ARHGAP28: variants seen among roughly 807,000 people sequenced by gnomAD.
The protein encoded by ARHGAP28 is rho GTPase-activating protein 28.
A neutral mutation model predicts 90.7 loss-of-function variants in ARHGAP28; 56 were observed. The ratio of observed to expected loss-of-function variants is 0.62; its 90% CI spans 0.50 to 0.77. The LOEUF (loss-of-function observed/expected upper bound fraction) is 0.77. Among genes scored for constraint, ARHGAP28 ranks in the 30% least tolerant of loss-of-function variants. The pLI is 0.00. For synonymous variants in ARHGAP28, 308 were observed against 323.3 expected, an observed-to-expected ratio of 0.95 and a Z score of 0.51; for missense variants, 869 against 900.9, an observed-to-expected ratio of 0.96 and a Z score of 0.45.
At chr18:6,730,790 A>G (rs1454382168) in intron 1 of ARHGAP28, among the ~76,000 whole-genome samples, 1 of 152,190 alleles carries the variant, frequency 6.6e-6, no homozygotes, top group African/African-American at 2.4e-5. Flanking sequence ...AAATGTGACT[A>G]TCTGATCCAC....
chr18:6,863,551 C>G (rs1406564158), intron 5 of ARHGAP28, among the ~76,000 whole-genome samples: 1 of 151,750 alleles, frequency 6.6e-6, no homozygotes, highest in Non-Finnish European at 1.5e-5. Flanking sequence ...CAGGATTAGT[C>G]TACACATACA....
intron 1 of ARHGAP28, among the ~76,000 whole-genome samples, chr18:6,812,378 A>T (rs2143695240): frequency 6.6e-6 from 1 of 152,340 alleles, no homozygotes; most frequent in Non-Finnish European, 1.5e-5. Context: ...CTGTGTTTTT[A>T]AAAATTGAAT....
rs28610127 is a variant in ARHGAP28 at position 6,870,869 on chromosome 18, C to T, written c.954+137C>T. ...AGGCTGGAGTGCAGTGGCGCGATCTCGGCTCACTGCAAGCTCTGCCTCCCG... is the reference window on the plus strand; with the variant it reads ...AGGCTGGAGTGCAGTGGCGCGATCTTGGCTCACTGCAAGCTCTGCCTCCCG... On this transcript the variant is annotated intron_variant, in intron 7 of 17. Coordinates refer to ENST00000383472, the MANE Select transcript of ARHGAP28 (RefSeq NM_001366230.1). The T allele has an allele frequency of 5.4e-3, 4,643 of 858,960 alleles. 134 individuals are homozygous for T. The African/African-American group carries it at 0.067, about 12-fold the overall frequency. 53.2% of individuals were successfully genotyped at this position (858,960 alleles called of 1,614,324 possible).
chr18:6,834,949 A>G (rs2056742355), intron 2 of ARHGAP28, among the ~76,000 whole-genome samples: 2 of 152,196 alleles, frequency 1.3e-5, no homozygotes, highest in African/African-American at 4.8e-5. Flanking sequence ...AGTGAATATG[A>G]CATATGAATG....
intron 1 of ARHGAP28, among the ~76,000 whole-genome samples, chr18:6,741,322 T>C (rs2055975556): frequency 6.6e-6 from 1 of 152,196 alleles, no homozygotes; most frequent in Admixed American, 6.5e-5. Flanking sequence ...TATAAGGCTC[T>C]GTGATTACAA....
chr18:6,811,730 T>A (rs1443846093), intron 1 of ARHGAP28, among the ~76,000 whole-genome samples: 2 of 152,100 alleles, frequency 1.3e-5, no homozygotes, highest in African/African-American at 4.8e-5. Context: ...GTTTTTTCTT[T>A]TTTTTAATTC....
intron 1 of ARHGAP28, among the ~76,000 whole-genome samples, chr18:6,806,894 C>A (rs562533644): frequency 6.6e-6 from 1 of 151,962 alleles, no homozygotes; most frequent in African/African-American, 2.4e-5. Context: ...GATAGTTTTT[C>A]TTCAAGTACT....
intron 4 of ARHGAP28, among the ~76,000 whole-genome samples, chr18:6,855,798 C>T (rs2056948433): frequency 6.6e-6 from 1 of 152,188 alleles, no homozygotes. Context: ...TTCCCTGGTG[C>T]CCACAGTGGA....
intron 1 of ARHGAP28, among the ~76,000 whole-genome samples, chr18:6,737,077 G>T (rs2055935518): frequency 6.6e-6 from 1 of 152,132 alleles, no homozygotes; most frequent in Admixed American, 6.5e-5. Context: ...CTAGATGTCA[G>T]TTCTAGCCAA....
intron 1 of ARHGAP28, among the ~76,000 whole-genome samples, chr18:6,755,662 A>T (rs760469074): frequency 6.6e-6 from 1 of 152,230 alleles, no homozygotes; most frequent in Non-Finnish European, 1.5e-5. Flanking sequence ...CAATTTTGAG[A>T]GTGAACTTAA....
intron 3 of ARHGAP28, 145 bp from the exon 4 acceptor site, chr18:6,850,889 A>G (rs1397655985): frequency 6.5e-7 from 1 of 1,527,144 alleles, no homozygotes; most frequent in Non-Finnish European, 8.7e-7. Context: ...AAGTGCTGTT[A>G]TCAATGCCCA....
rs12967230 is a variant in ARHGAP28, at chr18:6,910,969, G to C, written c.2096-1091G>C. ...ACGCCATTCTCCTGCCTCAGCCTCC[G>C]GAGTAGCTGGGATTACAGGCGCCCA... On this transcript the variant is annotated intron_variant, in intron 17 of 17. Coordinates refer to ENST00000383472, the MANE Select transcript of ARHGAP28 (RefSeq NM_001366230.1). 5.8e-3 allele frequency among the ~76,000 whole-genome samples: 875 copies of C among 151,184 alleles called. 18 individuals carry two copies. Among genetic ancestry groups the C allele is most frequent in the East Asian group, 0.054 (270 of 5,022 alleles).
intron 1 of ARHGAP28, among the ~76,000 whole-genome samples, chr18:6,799,491 G>T (rs541014840): frequency 4.2e-4 from 64 of 152,182 alleles, no homozygotes; most frequent in African/African-American, 1.4e-3. Flanking sequence ...AAACTATAAG[G>T]CTACAGTAAC....
At position 6,887,156 on chromosome 18, in the gene ARHGAP28, G is replaced by A. The variant is rs2057228178; in HGVS notation, c.1454-1G>A. The A allele has an allele frequency of 7.4e-6, 12 of 1,613,692 alleles. No individual in the cohort carries two copies. Among genetic ancestry groups the A allele is most frequent in the Non-Finnish European group, 1.0e-5 (12 of 1,179,612 alleles). ...TATGACTATTTCTGTTTTCTTGTTA[G>A]GAGGGCCTCACGTCAAAGTACAGTT... On this transcript the variant is annotated splice_acceptor_variant, in intron 11 of 17. Transcript: ENST00000383472. LOFTEE classifies it high-confidence loss of function.
chr18:6,850,310 T>C (rs2056899723), intron 3 of ARHGAP28, among the ~76,000 whole-genome samples: 1 of 152,222 alleles, frequency 6.6e-6, no homozygotes, highest in Non-Finnish European at 1.5e-5. Flanking sequence ...TTCTTTTTCA[T>C]GATGTTGGTT....
At chr18:6,846,959 C>T (rs2056870587) in intron 3 of ARHGAP28, among the ~76,000 whole-genome samples, 1 of 152,164 alleles carries the variant, frequency 6.6e-6, no homozygotes, top group Admixed American at 6.5e-5. Flanking sequence ...CACAGGGCCA[C>T]ATGTAGGCTG....
chr18:6,781,934 G>C (rs914477103), intron 1 of ARHGAP28, among the ~76,000 whole-genome samples: 1 of 152,192 alleles, frequency 6.6e-6, no homozygotes, highest in Non-Finnish European at 1.5e-5. Flanking sequence ...CCTGGGGCAA[G>C]TGGTAAACTG....
chr18:6,890,233 A>G, intron 13 of ARHGAP28, 148 bp downstream of exon 13: 2 of 917,582 alleles, frequency 2.2e-6, no homozygotes, highest in Middle Eastern at 2.3e-4. Context: ...CACCTTCTGG[A>G]AGGGCTGCTC....
rs144422226 is a variant in ARHGAP28 at position 6,836,562 on chromosome 18, G to A, written c.326-635G>A. On this transcript the variant is annotated intron_variant, in intron 2 of 17. Transcript: ENST00000383472. ...GTCTCATAGGAAGTCACCACCAAGA[G>A]GTGATTGTATAAGGCAGATACCTGG... Among the ~76,000 whole-genome samples the A allele has an allele frequency of 7.7e-4, 117 of 152,260 alleles. 2 individuals are homozygous for A. Among genetic ancestry groups the A allele is most frequent in the Middle Eastern group, 6.8e-3 (2 of 294 alleles).
Sources: allele counts gnomAD v4.1 joint callset (sites outside exome capture counted in the v4.1 genomes callset), GRCh38; gene constraint gnomAD v4.1.1; transcripts MANE v1.5; gene names NCBI Gene and HGNC (gene_info 2026-07-23, HGNC 2026-07-21).